PHKB: variants seen among roughly 807,000 people sequenced by gnomAD.
PHKB encodes phosphorylase kinase regulatory subunit beta.
A neutral mutation model predicts 152.1 loss-of-function variants in PHKB; 122 were observed. That is an observed-to-expected ratio of 0.80 (90% CI 0.69 to 0.93). The LOEUF (loss-of-function observed/expected upper bound fraction) is 0.93, where lower values mean the gene tolerates loss of function less well. PHKB is among the 40% of genes least tolerant of loss of function. PHKB has a pLI of 0.00. For missense variants in PHKB, 1,304 were observed against 1,328.4 expected (o/e 0.98, Z 0.29); for synonymous variants, 436 against 464.9 (o/e 0.94, Z 0.80).
intron 7 of PHKB, chr16:47,567,003 ATAATTT>A: frequency 2.4e-6 from 1 of 414,644 alleles, no homozygotes; most frequent in South Asian, 2.8e-5. Flanking sequence ...GCCTTGTAGT[ATAATTT>A]TAAGTCAGGT....
rs185968822 is a variant in PHKB, at chr16:47,532,435, C to T, written c.595-14998C>T. On this transcript the variant is annotated intron_variant, in intron 6 of 30. Transcript: ENST00000323584. The stretch of plus-strand genomic sequence containing the variant: ...ACCTTTGCCCAAGTTTTGCTCCAGT[C>T]CACTGGGCTCATTCCACTTGGCTCA... 1.2e-4 allele frequency among the ~76,000 whole-genome samples: 19 copies of T among 152,328 alleles called. No individual in the cohort carries two copies. In the East Asian group the frequency reaches 3.7e-3, roughly 29 times the overall value.
At chr16:47,621,144 GC>G (rs1972610710) in intron 14 of PHKB, among the ~76,000 whole-genome samples, 1 of 151,792 alleles carries the variant, frequency 6.6e-6, no homozygotes, top group African/African-American at 2.4e-5. Context: ...AAATTATTTG[GC>G]TGGGTTTAAT....
rs1396997861 is a variant in PHKB, at chr16:47,596,360, T to TAA, written c.1205-13_1205-12insAA. ...TTTGTTATATTTTAAATACTTATTT[T>TAA]TAAACTCCATAGGATATCCTGTTGT... On this transcript the variant is annotated splice_polypyrimidine_tract_variant and intron_variant, in intron 12 of 30. Transcript: ENST00000323584. 1 of 1,565,962 alleles carries TAA rather than the reference T, an allele frequency of 6.4e-7. No homozygotes were observed. Among genetic ancestry groups the TAA allele is most frequent in the African/African-American group, 1.4e-5 (1 of 73,890 alleles).
At chr16:47,653,630 T>C (rs1347776229) in intron 20 of PHKB, among the ~76,000 whole-genome samples, 1 of 152,200 alleles carries the variant, frequency 6.6e-6, no homozygotes, top group Non-Finnish European at 1.5e-5. Flanking sequence ...AGAAATCTAC[T>C]TTTGATTTTA....
intron 1 of PHKB, among the ~76,000 whole-genome samples, chr16:47,481,231 A>T (rs1969958715): frequency 6.6e-6 from 1 of 152,212 alleles, no homozygotes; most frequent in African/African-American, 2.4e-5. Context: ...TTCAGAAATG[A>T]TCATTCATTT....
chr16:47,622,719 G>C (rs1435719013), intron 14 of PHKB, among the ~76,000 whole-genome samples: 1 of 152,076 alleles, frequency 6.6e-6, no homozygotes, highest in Admixed American at 6.6e-5. Context: ...CAATATGAAA[G>C]GAATGCTTTT....
chr16:47,480,438 T>C (rs1427295667), intron 1 of PHKB, among the ~76,000 whole-genome samples: 1 of 152,198 alleles, frequency 6.6e-6, no homozygotes, highest in Non-Finnish European at 1.5e-5. Flanking sequence ...CTTTAGAAGT[T>C]CTTTTTTTCC....
At chr16:47,471,197 G>A (rs991296553) in intron 1 of PHKB, among the ~76,000 whole-genome samples, 4 of 152,168 alleles carry the variant, frequency 2.6e-5, no homozygotes, top group Non-Finnish European at 4.4e-5. Flanking sequence ...GGGTAAGGAG[G>A]ACTCTAGGCT....
intron 14 of PHKB, among the ~76,000 whole-genome samples, chr16:47,629,687 G>A (rs1365315641): frequency 1.3e-5 from 2 of 152,126 alleles, no homozygotes; most frequent in Non-Finnish European, 2.9e-5. Context: ...TATACCCAAA[G>A]GATTATAAAT....
chr16:47,668,094 C>T (rs1029287616), intron 25 of PHKB, among the ~76,000 whole-genome samples: 1 of 152,194 alleles, frequency 6.6e-6, no homozygotes, highest in Admixed American at 6.5e-5. Context: ...AATTTTTACT[C>T]GTGCGTTATT....
Position 47,661,813 on chromosome 16 carries a change from G to A in PHKB, c.2278+13G>A, listed in dbSNP as rs1339293219. On this transcript the variant is annotated intron_variant, in intron 23 of 30. Coordinates refer to ENST00000323584, the MANE Select transcript of PHKB (RefSeq NM_000293.3). ...ATCACAAAGGAAGGTAAGCATGCAT[G>A]TCTAGGAGAACATTTTAAGAGGACC... 2 of 1,562,036 alleles carry A rather than the reference G, an allele frequency of 1.3e-6. No individual in the cohort carries two copies. Among genetic ancestry groups the A allele is most frequent in the African/African-American group, 2.7e-5 (2 of 73,904 alleles).
chr16:47,607,637 A>G (rs577361441), intron 13 of PHKB, among the ~76,000 whole-genome samples: 26 of 152,342 alleles, frequency 1.7e-4, no homozygotes, highest in African/African-American at 5.8e-4. Context: ...TAATGCTGCT[A>G]TAAACTTTAT....
chr16:47,557,016 GA>G (rs1298174174), intron 7 of PHKB, among the ~76,000 whole-genome samples: 1 of 152,132 alleles, frequency 6.6e-6, no homozygotes, highest in East Asian at 1.9e-4. Context: ...ATGTGTCAAG[GA>G]ATTTATCCAT....
At chr16:47,622,779 A>C (rs1302780971) in intron 14 of PHKB, among the ~76,000 whole-genome samples, 2 of 152,204 alleles carry the variant, frequency 1.3e-5, no homozygotes, top group East Asian at 1.9e-4. Flanking sequence ...ATTGAGGATG[A>C]AAGTCAGTAC....
chr16:47,467,216 C>T (rs1286066175), intron 1 of PHKB, among the ~76,000 whole-genome samples: 2 of 152,120 alleles, frequency 1.3e-5, no homozygotes, highest in Admixed American at 1.3e-4. Context: ...TTTCTTATCT[C>T]TCTCATTTTG....
chr16:47,641,619 C>CTTG lies in PHKB; in HGVS notation c.1535_1536insTTG (p.Thr512_Tyr513insTer), dbSNP rs1235924097. The CTTG allele has an allele frequency of 6.3e-7, 1 of 1,592,718 alleles. No individual in the cohort carries two copies. The highest frequency in any genetic ancestry group is 2.2e-5 in the East Asian group (1 of 44,760). On this transcript the variant is annotated stop_gained and inframe_insertion, in exon 16 of 31. Transcript: ENST00000323584. LOFTEE classifies it high-confidence loss of function. ...TTTAGACTTCAAGTTTTTCTGAACA[C>CTTG]ATATGGTATTCAAACTCAAACTCCT...
chr16:47,621,341 C>A (rs1025197799), intron 14 of PHKB, among the ~76,000 whole-genome samples: 2 of 152,118 alleles, frequency 1.3e-5, no homozygotes, highest in Non-Finnish European at 2.9e-5. Context: ...AGGTTATAAA[C>A]CCCTCCTAAT....
chr16:47,556,983 G>C (rs554511344), intron 7 of PHKB, among the ~76,000 whole-genome samples: 22 of 152,198 alleles, frequency 1.4e-4, no homozygotes, highest in South Asian at 4.2e-4. Flanking sequence ...CAACTTCTTC[G>C]TGGTTTAGTC....
Position 47,661,760 on chromosome 16 carries a change from A to G in PHKB, c.2238A>G (p.Ile746Met). 1 of 1,613,596 alleles carries G rather than the reference A, an allele frequency of 6.2e-7. No individual in the cohort carries two copies. The highest frequency in any genetic ancestry group is 8.5e-7 in the Non-Finnish European group (1 of 1,179,538). Residue 746 changes from isoleucine (I) to methionine (M), a missense_variant, in exon 23 of 31, where the codon ATA becomes ATG. Physicochemically the swap from Ile to Met is conservative, Grantham distance 10. Transcript: ENST00000323584. ...CLASQAILLGILLKREGPNFI... is the reference protein window; with the variant it reads ...CLASQAILLGMLLKREGPNFI... ...CTAGCCAAGCCATCCTGCTGGGTAT[A>G]CTGCTCAAAAGAGAAGGCCCCAACT...
Sources: gnomAD v4.1 joint callset for allele counts (sites outside exome capture counted in the v4.1 genomes callset) on GRCh38, gnomAD v4.1.1 for gene constraint, MANE v1.5 for transcripts, NCBI Gene and HGNC (gene_info 2026-07-23, HGNC 2026-07-21) for gene names.